Variants in FRY observed in about 807,000 individuals in gnomAD.
FRY encodes the protein protein furry homolog.
Under a neutral mutation model 348.4 loss-of-function variants are expected in FRY, and 128 were observed. The ratio of observed to expected loss-of-function variants is 0.37; its 90% CI spans 0.32 to 0.43. The LOEUF (loss-of-function observed/expected upper bound fraction) is 0.43. Ranked by LOEUF, FRY falls within the 20% of genes least tolerant of loss-of-function variation. FRY has a pLI of 1.00. For synonymous variants in FRY, 1,370 were observed against 1,374.7 expected (o/e 1.00, Z 0.08); for missense variants, 2,736 against 3,695.2 (o/e 0.74, Z 6.73).
chr13:32,085,539 T>C (rs1875800884), intron 2 of FRY, among the ~76,000 whole-genome samples: 1 of 152,218 alleles, frequency 6.6e-6, no homozygotes, highest in African/African-American at 2.4e-5. Context: ...ACCTCCTTTT[T>C]TTCTCATTTG....
intron 2 of FRY, among the ~76,000 whole-genome samples, chr13:32,101,379 A>G (rs1877153264): frequency 6.6e-6 from 1 of 152,232 alleles, no homozygotes; most frequent in South Asian, 2.1e-4. Flanking sequence ...ACTGATGGAT[A>G]CTTAGACTGA....
At chr13:32,138,204 C>G (rs1879843343) in intron 11 of FRY, among the ~76,000 whole-genome samples, 1 of 151,376 alleles carries the variant, frequency 6.6e-6, no homozygotes, top group Non-Finnish European at 1.5e-5. Flanking sequence ...CATTTGTTAA[C>G]TGGTCCACTT....
Position 32,239,649 on chromosome 13 carries a change from G to A in FRY, c.6517-62G>A. 8.4e-7 allele frequency: 1 copy of A among 1,186,342 alleles called. No homozygotes were observed. Among genetic ancestry groups the A allele is most frequent in the Non-Finnish European group, 1.2e-6 (1 of 800,568 alleles). The allele number at this position is 1,186,342 out of a possible 1,614,324, so 73.5% of individuals were successfully genotyped here. A position where few individuals can be genotyped will look rare whatever the true frequency, so the allele number is the denominator to read the frequency against. On this transcript the variant is annotated intron_variant, in intron 45 of 60. Transcript: ENST00000542859. The surrounding 1 kb of genome is among the most constrained non-coding windows in gnomAD (Gnocchi z 4.3). ...GATGGCCAGAGCTTATAGTAAAATT[G>A]CTAACATTTCTTCCTATTCATTGGG...
chr13:32,139,294 A>C (rs940301358), intron 11 of FRY, among the ~76,000 whole-genome samples: 2 of 152,204 alleles, frequency 1.3e-5, no homozygotes, highest in African/African-American at 4.8e-5. Flanking sequence ...CTACCATTTC[A>C]TAAGTGACCA....
intron 16 of FRY, among the ~76,000 whole-genome samples, chr13:32,160,628 T>G (rs1449087678): frequency 1.3e-5 from 2 of 152,134 alleles, no homozygotes; most frequent in Non-Finnish European, 2.9e-5. Context: ...CTATATACAT[T>G]TCAGAATTTT....
At position 32,237,406 on chromosome 13, in the gene FRY, C is replaced by T. The variant is rs770152012; in HGVS notation, c.5838C>T (p.Ser1946=). The change falls in exon 44 of 61, where the codon AGC becomes AGT. Residue 1946 remains serine, a synonymous_variant. Coordinates refer to ENST00000542859, the MANE Select transcript of FRY (RefSeq NM_023037.3). The surrounding 1 kb of genome is among the most constrained non-coding windows in gnomAD (Gnocchi z 6.3). ...SRSSSPDLSS[S]SKLTASRKST... is the part of the protein sequence containing the mutation. ...CTTCCTCACCAGATTTAAGCTCCAG[C>T]AGTAAACTAACAGCAAGCAGAAAGA... 4 of 1,613,958 alleles carry T rather than the reference C, an allele frequency of 2.5e-6. No homozygotes were observed. The South Asian group carries it at 4.4e-5, about 18-fold the overall frequency.
At chr13:32,073,531 G>A (rs1023181295) in intron 1 of FRY, among the ~76,000 whole-genome samples, 16 of 152,024 alleles carry the variant, frequency 1.1e-4, no homozygotes, top group African/African-American at 3.9e-4. Context: ...TGGTATTTGT[G>A]TGTATGTGGG....
chr13:32,278,326 CT>C (rs1165450305), intron 57 of FRY, 138 bp from the exon 58 acceptor site: 2 of 671,846 alleles, frequency 3.0e-6, no homozygotes, highest in Non-Finnish European at 5.5e-6. Flanking sequence ...AAATACGACC[CT>C]TTTCAAAAAG....
chr13:32,238,135 A>G (rs1360105236), intron 44 of FRY, 149 bp downstream of exon 44: 5 of 875,080 alleles, frequency 5.7e-6, no homozygotes, highest in Non-Finnish European at 9.1e-6. Context: ...ATAAAATTCT[A>G]TATAATGTAA....
At chr13:32,151,017 G>A (rs527813424) in intron 14 of FRY, among the ~76,000 whole-genome samples, 1 of 152,330 alleles carries the variant, frequency 6.6e-6, no homozygotes, top group African/African-American at 2.4e-5. Flanking sequence ...TGCCAAACCA[G>A]AGGCTTTGGG....
rs371712432 is a variant in FRY at position 32,224,408 on chromosome 13, A to AG, written c.4916+25dup. 186 of 1,611,076 alleles carry AG rather than the reference A, an allele frequency of 1.2e-4. No individual in the cohort carries two copies. The African/African-American group carries it at 2.2e-3, about 19-fold the overall frequency. ...CAGGTGAGCAGCATGTGTGGGGAGA[A>AG]GGAAATCTTAGCTTTGACTGGACTT... On this transcript the variant is annotated intron_variant, in intron 37 of 60. Transcript: ENST00000542859.
intron 2 of FRY, among the ~76,000 whole-genome samples, chr13:32,082,678 G>T (rs1454229625): frequency 2.0e-5 from 3 of 152,142 alleles, no homozygotes; most frequent in Non-Finnish European, 4.4e-5. Flanking sequence ...TCATCTGAAT[G>T]TCTTTATTTC....
At chr13:32,268,949 G>T (rs1888080133) in intron 55 of FRY, among the ~76,000 whole-genome samples, 1 of 152,156 alleles carries the variant, frequency 6.6e-6, no homozygotes, top group African/African-American at 2.4e-5. Flanking sequence ...AAATGGAAAG[G>T]AACTATCTAG....
chr13:32,281,850 G>C (rs906158670), intron 58 of FRY, among the ~76,000 whole-genome samples: 3 of 152,198 alleles, frequency 2.0e-5, no homozygotes, highest in African/African-American at 7.2e-5. Context: ...GTTATTCTCT[G>C]TTTTAATTGG....
Position 32,237,756 on chromosome 13 carries a change from C to A in FRY, c.6188C>A (p.Ala2063Asp), listed in dbSNP as rs767093927. 1.2e-6 allele frequency: 2 copies of A among 1,614,106 alleles called. No individual in the cohort carries two copies. The highest frequency in any genetic ancestry group is 1.7e-6 in the Non-Finnish European group (2 of 1,180,032). The change falls in exon 44 of 61, where the codon GCC becomes GAC. Residue 2063 changes from alanine (A) to aspartate (D), a missense_variant. By Grantham distance (126) the Ala-to-Asp change is moderately radical (BLOSUM62 -2). Coordinates refer to ENST00000542859, the MANE Select transcript of FRY (RefSeq NM_023037.3). This position sits in a 1 kb window ranked among gnomAD's most constrained non-coding sequence, Gnocchi z 6.3. ...ESDFEFEYLM[A>D]LRLLSRLLAH... The stretch of plus-strand genomic sequence containing the variant: ...GATTTTGAGTTTGAATACTTAATGG[C>A]CTTAAGGCTGTTGAGCAGACTACTG...
intron 1 of FRY, among the ~76,000 whole-genome samples, chr13:32,065,597 C>A (rs913871718): frequency 6.6e-6 from 1 of 150,376 alleles, no homozygotes; most frequent in East Asian, 2.0e-4. Context: ...TGAGCCACAG[C>A]GCCCGACCAA....
At chr13:32,257,641 G>A (rs377329077) in intron 51 of FRY, among the ~76,000 whole-genome samples, 3 of 112,986 alleles carry the variant, frequency 2.7e-5, no homozygotes, top group African/African-American at 8.0e-5. Flanking sequence ...TACATATTTA[G>A]GCATTCCAAA....
chr13:32,288,757 A>C (rs1009716177), intron 58 of FRY, among the ~76,000 whole-genome samples: 2 of 152,248 alleles, frequency 1.3e-5, no homozygotes, highest in African/African-American at 4.8e-5. Context: ...ACTGCTGGCC[A>C]TGAAATTCTA....
chr13:32,103,230 C>G (rs1000500561), intron 3 of FRY, among the ~76,000 whole-genome samples: 1 of 152,208 alleles, frequency 6.6e-6, no homozygotes, highest in Non-Finnish European at 1.5e-5. Context: ...TCTCTTTGTG[C>G]CATGGCACTA....
Sources: gnomAD v4.1 joint callset for allele counts (sites outside exome capture counted in the v4.1 genomes callset) on GRCh38, gnomAD v4.1.1 for gene constraint, Gnocchi (gnomAD v3.1) non-coding constraint, MANE v1.5 for transcripts, NCBI Gene and HGNC (gene_info 2026-07-23, HGNC 2026-07-21) for gene names.